The following NEK10 variants were observed in gnomAD, a reference collection of about 807,000 sequenced individuals.
The protein encoded by NEK10 is NIMA related kinase 10, also known as serine/threonine-protein kinase Nek10.
NEK10 carries 122 observed loss-of-function variants against 159.8 expected under a neutral mutation model. That is an observed-to-expected ratio of 0.76 (90% CI 0.66 to 0.89). The LOEUF (loss-of-function observed/expected upper bound fraction) is 0.89. Among genes scored for constraint, NEK10 ranks in the 40% least tolerant of loss-of-function variants. The pLI is 0.00. For missense variants in NEK10, 1,342 were observed against 1,323.1 expected (o/e 1.01, Z -0.22); for synonymous variants, 466 against 457.1 (o/e 1.02, Z -0.25).
intron 22 of NEK10, 146 bp from the exon 23 acceptor site, chr3:27,256,517 A>T (rs1956192962): frequency 1.4e-5 from 6 of 414,898 alleles, no homozygotes; most frequent in Non-Finnish European, 2.1e-5. Context: ...TGATATAATG[A>T]GGTTTATCAT....
At chr3:27,171,960 C>A in intron 28 of NEK10, 87 bp from the exon 29 acceptor site, 2 of 1,354,890 alleles carry the variant, frequency 1.5e-6, no homozygotes, top group Non-Finnish European at 2.0e-6. Context: ...TACTGAACAA[C>A]AAATACTGGT....
At chr3:27,292,591 T>G (rs2043072980) in intron 16 of NEK10, among the ~76,000 whole-genome samples, 1 of 152,004 alleles carries the variant, frequency 6.6e-6, no homozygotes, top group Non-Finnish European at 1.5e-5. Flanking sequence ...CCCAACACTT[T>G]GGGAGGCCAA....
chr3:27,193,523 G>A (rs73036984), intron 25 of NEK10, among the ~76,000 whole-genome samples: 4 of 151,160 alleles, frequency 2.6e-5, no homozygotes, highest in Non-Finnish European at 4.4e-5. Flanking sequence ...CATCCAATGC[G>A]GCTACCTGCA....
chr3:27,319,917 C>A (rs2045496197), intron 6 of NEK10, among the ~76,000 whole-genome samples: 1 of 152,012 alleles, frequency 6.6e-6, no homozygotes, highest in South Asian at 2.1e-4. Context: ...GCTATGGACC[C>A]TGCAGTACTG....
intron 22 of NEK10, among the ~76,000 whole-genome samples, chr3:27,257,971 T>C (rs1262045639): frequency 6.6e-6 from 1 of 151,756 alleles, no homozygotes; most frequent in Non-Finnish European, 1.5e-5. Flanking sequence ...TTATTTTTTG[T>C]ATTTTTAGTA....
chr3:27,301,468 T>C (rs1158328007), intron 13 of NEK10, among the ~76,000 whole-genome samples: 1 of 152,234 alleles, frequency 6.6e-6, no homozygotes, highest in African/African-American at 2.4e-5. Flanking sequence ...CTTCTGTGTT[T>C]ATCTCTTGCT....
intron 30 of NEK10, among the ~76,000 whole-genome samples, chr3:27,157,949 A>G (rs183111948): frequency 6.9e-4 from 105 of 152,334 alleles, no homozygotes; most frequent in African/African-American, 2.4e-3. Context: ...ACTTTTTAGC[A>G]ACAAGGCATT....
At chr3:27,132,707 A>G (rs938787775) in intron 31 of NEK10, among the ~76,000 whole-genome samples, 1 of 152,190 alleles carries the variant, frequency 6.6e-6, no homozygotes, top group Non-Finnish European at 1.5e-5. Context: ...TGGAAAGCAC[A>G]GAAAGATGAA....
At position 27,174,459 on chromosome 3, in the gene NEK10, G is replaced by C; in HGVS notation, c.2756C>G (p.Pro919Arg). Residue 919 changes from proline to arginine, a missense_variant, in exon 28 of 36, where the codon CCT becomes CGT. Pro to Arg is a moderately radical substitution (Grantham distance 103). Coordinates refer to ENST00000691995, the MANE Select transcript of NEK10 (RefSeq NM_001394966.1). Reference protein sequence around the residue: ...SDNSSSSSSSPLKESTFNILK... With the variant: ...SDNSSSSSSSRLKESTFNILK... ...CTTACTGAATGTAGATTCTTTCAGA[G>C]GGCTTGAACTGGAGCTGCTGGAGTT... 1 of 1,612,076 alleles carries C rather than the reference G, an allele frequency of 6.2e-7. No homozygotes were observed. Among genetic ancestry groups the C allele is most frequent in the Non-Finnish European group, 8.5e-7 (1 of 1,179,696 alleles).
chr3:27,328,106 T>C (rs1254104495), intron 5 of NEK10, among the ~76,000 whole-genome samples: 2 of 152,184 alleles, frequency 1.3e-5, no homozygotes, highest in Non-Finnish European at 2.9e-5. Flanking sequence ...ATGGATCATG[T>C]TGGCCCCTAA....
chr3:27,261,057 C>G (rs912279367), intron 22 of NEK10, among the ~76,000 whole-genome samples: 1 of 152,044 alleles, frequency 6.6e-6, no homozygotes, highest in African/African-American at 2.4e-5. Flanking sequence ...TCTGTGGGAT[C>G]GGTGGTGATA....
intron 23 of NEK10, among the ~76,000 whole-genome samples, chr3:27,230,338 C>A (rs150259902): frequency 2.0e-5 from 3 of 151,980 alleles, no homozygotes; most frequent in Non-Finnish European, 2.9e-5. Flanking sequence ...TTTGCCACTA[C>A]GAAACTAGCA....
chr3:27,346,348 A>T, intron 3 of NEK10, 132 bp from the exon 4 acceptor site: 2 of 891,912 alleles, frequency 2.2e-6, no homozygotes, highest in Non-Finnish European at 3.5e-6. Context: ...ACCCTTTCAA[A>T]TGTAAGGGTT....
intron 20 of NEK10, 89 bp from the exon 21 acceptor site, chr3:27,285,050 T>A: frequency 1.0e-6 from 1 of 972,624 alleles, no homozygotes; most frequent in Non-Finnish European, 1.5e-6. Context: ...AGCTTCCCAG[T>A]GTCTGTGCGG....
At chr3:27,146,843 A>G (rs374346198) in intron 30 of NEK10, among the ~76,000 whole-genome samples, 1 of 152,230 alleles carries the variant, frequency 6.6e-6, no homozygotes, top group Non-Finnish European at 1.5e-5. Flanking sequence ...AGGAGAAGGA[A>G]TAATTCCAGC....
chr3:27,254,002 C>T (rs1487168764), intron 23 of NEK10, among the ~76,000 whole-genome samples: 1 of 152,008 alleles, frequency 6.6e-6, no homozygotes, highest in Non-Finnish European at 1.5e-5. Flanking sequence ...CCCAGAGCAG[C>T]CCTCAGTCAG....
intron 32 of NEK10, among the ~76,000 whole-genome samples, chr3:27,125,679 G>A (rs1941861348): frequency 1.3e-5 from 2 of 152,196 alleles, no homozygotes; most frequent in African/African-American, 2.4e-5. Flanking sequence ...ATGCACATAT[G>A]CATGTGGACC....
At chr3:27,196,475 T>C (rs1040247135) in intron 25 of NEK10, among the ~76,000 whole-genome samples, 3 of 152,124 alleles carry the variant, frequency 2.0e-5, no homozygotes, top group African/African-American at 7.2e-5. Flanking sequence ...ACATCATAGA[T>C]GAGAAAATTG....
intron 25 of NEK10, among the ~76,000 whole-genome samples, chr3:27,195,006 CTTGT>C (rs1949440863): frequency 1.3e-5 from 2 of 152,142 alleles, no homozygotes; most frequent in Non-Finnish European, 2.9e-5. Context: ...AACAAATGTG[CTTGT>C]ATACCACATG....
Sources: allele counts gnomAD v4.1 joint callset (sites outside exome capture counted in the v4.1 genomes callset), GRCh38; gene constraint gnomAD v4.1.1; transcripts MANE v1.5; gene names NCBI Gene and HGNC (gene_info 2026-07-23, HGNC 2026-07-21).